Variants in AMPD3 observed in about 807,000 individuals in gnomAD.
AMPD3 encodes the protein adenosine monophosphate deaminase 3.
A neutral mutation model predicts 82.3 loss-of-function variants in AMPD3; 57 were observed. The observed-to-expected ratio is 0.69, with a 90% CI of 0.56 to 0.86. AMPD3 has a LOEUF of 0.86. Among genes scored for constraint, AMPD3 ranks in the 40% least tolerant of loss-of-function variants. The pLI is 0.00. For missense variants in AMPD3, 870 were observed against 1,003.8 expected (o/e 0.87, Z 1.80); for synonymous variants, 381 against 394.7 (o/e 0.97, Z 0.41).
intron 4 of AMPD3, chr11:10,484,494 A>G (rs1849005670): frequency 1.0e-6 from 1 of 985,258 alleles, no homozygotes; most frequent in African/African-American, 1.7e-5. Context: ...TTTCAGTTAA[A>G]TTTTAAAAAA....
intron 5 of AMPD3, 124 bp downstream of exon 5, chr11:10,485,163 G>A (rs1262019912): frequency 6.8e-6 from 6 of 878,034 alleles, no homozygotes; most frequent in South Asian, 2.9e-5. Context: ...GAAAGAGCGC[G>A]GTTTCTCCTT....
At chr11:10,497,548 A>G in intron 10 of AMPD3, 17 of 984,486 alleles carry the variant, frequency 1.7e-5, no homozygotes, top group Non-Finnish European at 1.6e-5. Flanking sequence ...CTGGTGATGG[A>G]TGACTTTCTA....
intron 2 of AMPD3, among the ~76,000 whole-genome samples, chr11:10,468,224 A>G (rs931762743): frequency 6.6e-6 from 1 of 152,218 alleles, no homozygotes; most frequent in African/African-American, 2.4e-5. Context: ...CAGACTGGCA[A>G]ATTGGATGAA....
At chr11:10,453,886 C>T (rs1848021718), upstream of AMPD3, among the ~76,000 whole-genome samples, 2 of 152,258 alleles carry the variant, frequency 1.3e-5, no homozygotes, top group East Asian at 1.9e-4. Flanking sequence ...CATGCCCGGC[C>T]GATATCTTTC....
At chr11:10,457,819 T>C (rs1227954339) in intron 1 of AMPD3, among the ~76,000 whole-genome samples, 1 of 152,170 alleles carries the variant, frequency 6.6e-6, no homozygotes, top group African/African-American at 2.4e-5. Context: ...CACCGGAGCC[T>C]GTGAGGTCGA....
chr11:10,485,117 C>A (rs1366607026), intron 5 of AMPD3, 78 bp downstream of exon 5: 2 of 1,397,188 alleles, frequency 1.4e-6, no homozygotes, highest in Non-Finnish European at 2.0e-6. Flanking sequence ...GGCCTCACCC[C>A]TCTGCCCTGG....
intron 4 of AMPD3, chr11:10,484,088 A>G (rs1848993860): frequency 5.3e-6 from 1 of 189,322 alleles, no homozygotes; most frequent in African/African-American, 2.4e-5. Flanking sequence ...TATACACACT[A>G]TTGCAACCCT....
intron 2 of AMPD3, among the ~76,000 whole-genome samples, chr11:10,466,552 T>C (rs57517348): frequency 0.15 from 22,764 of 152,112 alleles, 2,036 homozygotes; most frequent in Non-Finnish European, 0.2. Flanking sequence ...CAGGGACTTA[T>C]AGATAAAACC....
intron 2 of AMPD3, chr11:10,473,372 G>A (rs1406999245): frequency 4.1e-6 from 4 of 985,008 alleles, no homozygotes; most frequent in Non-Finnish European, 4.8e-6. Context: ...GGTCTTTAGG[G>A]AGGAAGGGCA....
upstream of AMPD3, among the ~76,000 whole-genome samples, chr11:10,452,443 G>A (rs924066069): frequency 2.0e-5 from 3 of 152,072 alleles, no homozygotes; most frequent in African/African-American, 2.4e-5. Flanking sequence ...ACTGACTGGG[G>A]CATGGGAGGA....
intron 6 of AMPD3, among the ~76,000 whole-genome samples, chr11:10,490,135 G>A (rs1030190146): frequency 3.3e-5 from 5 of 152,198 alleles, no homozygotes; most frequent in East Asian, 3.9e-4. Flanking sequence ...CGACGTGGCC[G>A]TGGATCTGTG....
chr11:10,496,731 G>A (rs1379023216), intron 9 of AMPD3, 81 bp from the exon 10 acceptor site: 2 of 1,609,214 alleles, frequency 1.2e-6, no homozygotes, highest in Non-Finnish European at 1.7e-6. Context: ...CAGGGTGCCT[G>A]AGGAAGTGAC....
chr11:10,490,348 C>A (rs957439658), intron 6 of AMPD3: 1 of 279,998 alleles, frequency 3.6e-6, no homozygotes, highest in Non-Finnish European at 5.4e-6. Context: ...TTAAGAATAG[C>A]AAATAGGTTT....
At chr11:10,497,914 T>C (rs780934884) in intron 10 of AMPD3, among the ~76,000 whole-genome samples, 4 of 152,212 alleles carry the variant, frequency 2.6e-5, no homozygotes, top group Non-Finnish European at 4.4e-5. Context: ...GGAATTATTA[T>C]GTGCTTGGTG....
chr11:10,482,347 G>A (rs1848936091), intron 4 of AMPD3, 122 bp downstream of exon 4: 3 of 1,136,906 alleles, frequency 2.6e-6, no homozygotes, highest in South Asian at 3.1e-5. Context: ...TTCTTTCATT[G>A]GCTTCTCCCA....
At chr11:10,493,806 G>A in intron 7 of AMPD3, 1 of 555,072 alleles carries the variant, frequency 1.8e-6, no homozygotes, top group South Asian at 2.0e-5. Context: ...GTGCCCTTAG[G>A]CAACTCACAG....
Position 10,502,902 on chromosome 11 carries a change from C to T in AMPD3, c.2016+8C>T, listed in dbSNP as rs755895315. The T allele has an allele frequency of 3.7e-6, 6 of 1,614,008 alleles. No individual in the cohort carries two copies. The highest frequency in any genetic ancestry group is 5.1e-6 in the Non-Finnish European group (6 of 1,179,902). ...CAGTTCCACTACACGAAGGTAAGGA[C>T]TTTGGGGTGAGGACAGTAGTGCTTC... On this transcript the variant is annotated splice_region_variant and intron_variant, in intron 13 of 14. Coordinates refer to ENST00000396553, the MANE Select transcript of AMPD3 (RefSeq NM_001025389.2).
intron 10 of AMPD3, chr11:10,499,847 T>C: frequency 1.0e-6 from 1 of 985,380 alleles, no homozygotes; most frequent in Non-Finnish European, 1.2e-6. Context: ...GGCTTGGCAC[T>C]CTCCTGTCTC....
intron 13 of AMPD3, 52 bp downstream of exon 13, chr11:10,502,946 C>T: frequency 1.3e-6 from 2 of 1,587,716 alleles, no homozygotes; most frequent in Middle Eastern, 3.4e-4. Flanking sequence ...CCAGTCCTAG[C>T]CTGTCCTCCC....
Sources: allele counts gnomAD v4.1 joint callset (sites outside exome capture counted in the v4.1 genomes callset), GRCh38; gene constraint gnomAD v4.1.1; transcripts MANE v1.5; gene names NCBI Gene and HGNC (gene_info 2026-07-23, HGNC 2026-07-21).